Variants in PIK3AP1 observed in about 807,000 individuals in gnomAD.
The protein encoded by PIK3AP1 is phosphoinositide 3-kinase adapter protein 1.
A neutral mutation model predicts 88.1 loss-of-function variants in PIK3AP1; 21 were observed. The ratio of observed to expected loss-of-function variants is 0.24; its 90% CI spans 0.17 to 0.34. The LOEUF (loss-of-function observed/expected upper bound fraction) is 0.34. Ranked by LOEUF, PIK3AP1 falls within the 10% of genes least tolerant of loss-of-function variation. The probability of loss-of-function intolerance (pLI) is 1.00; values close to 1 mark genes in which losing one functional copy is unlikely to be tolerated. For missense variants in PIK3AP1, 828 were observed against 1,035.7 expected, an observed-to-expected ratio of 0.80 and a Z score of 2.75; for synonymous variants, 398 against 400.0, an observed-to-expected ratio of 1.00 and a Z score of 0.06.
chr10:96,620,733 T>C (rs943196881), intron 11 of PIK3AP1, 176 bp from the exon 12 acceptor site: 6 of 596,708 alleles, frequency 1.0e-5, no homozygotes, highest in South Asian at 6.1e-5. Flanking sequence ...ATGCAGCTAA[T>C]AATTCCAAGG....
intron 14 of PIK3AP1, among the ~76,000 whole-genome samples, chr10:96,605,244 T>A (rs1848983026): frequency 6.6e-6 from 1 of 152,220 alleles, no homozygotes; most frequent in South Asian, 2.1e-4. Flanking sequence ...TTATCACCTG[T>A]ATCATTAGAT....
chr10:96,673,298 C>A (rs1373051902), intron 2 of PIK3AP1, among the ~76,000 whole-genome samples: 2 of 152,206 alleles, frequency 1.3e-5, no homozygotes, highest in Non-Finnish European at 2.9e-5. Context: ...ATCTACCATG[C>A]ACAGGCAACC....
In PIK3AP1 at chr10:96,602,385, G is replaced by A. The variant is rs1848914657; in HGVS notation, c.2255C>T (p.Pro752Leu). The A allele has an allele frequency of 1.2e-6, 2 of 1,611,982 alleles. No homozygotes were observed. Among genetic ancestry groups the A allele is most frequent in the African/African-American group, 1.3e-5 (1 of 74,864 alleles). Reference protein sequence around the residue: ...MEGDNEDNEVPEVTRSRSPGP... With the variant: ...MEGDNEDNEVLEVTRSRSPGP... The stretch of plus-strand genomic sequence containing the variant: ...TGGACTGCGACTTCTGGTAACCTCA[G>A]GGACTTCATTATCCTACAGCAAAGA... The change falls in exon 16 of 17, where the codon CCT becomes CTT. Residue 752 changes from proline to leucine, a missense_variant. Coordinates refer to ENST00000339364, the MANE Select transcript of PIK3AP1 (RefSeq NM_152309.3).
At chr10:96,631,972 C>T (rs1050860225) in intron 8 of PIK3AP1, among the ~76,000 whole-genome samples, 22 of 151,832 alleles carry the variant, frequency 1.4e-4, no homozygotes, top group African/African-American at 5.1e-4. Context: ...CATCATGACT[C>T]CTTCCACCAA....
chr10:96,608,075 G>A (rs950934815), intron 14 of PIK3AP1, among the ~76,000 whole-genome samples: 2 of 152,122 alleles, frequency 1.3e-5, no homozygotes, highest in Non-Finnish European at 2.9e-5. Flanking sequence ...AAGGGGAAAA[G>A]CACAGTTTAT....
intron 2 of PIK3AP1, among the ~76,000 whole-genome samples, chr10:96,691,017 G>C (rs1172475): frequency 0.024 from 3,574 of 152,078 alleles, 143 homozygotes; most frequent in African/African-American, 0.081. Context: ...GGTAACTCCA[G>C]GGAGTTCCAG....
At chr10:96,696,029 C>T (rs1033177099) in intron 2 of PIK3AP1, among the ~76,000 whole-genome samples, 7 of 152,136 alleles carry the variant, frequency 4.6e-5, no homozygotes, top group Non-Finnish European at 8.8e-5. Flanking sequence ...ATCCAAAGGG[C>T]ATCAAGCCTC....
intron 1 of PIK3AP1, among the ~76,000 whole-genome samples, chr10:96,714,038 G>A (rs1844471751): frequency 6.6e-6 from 1 of 152,156 alleles, no homozygotes; most frequent in African/African-American, 2.4e-5. Context: ...GCCGGGCATG[G>A]TGGCATGCGT....
chr10:96,598,210 AT>A (rs931922112), intron 16 of PIK3AP1, among the ~76,000 whole-genome samples: 1 of 151,168 alleles, frequency 6.6e-6, no homozygotes, highest in Non-Finnish European at 1.5e-5. Context: ...CACCTGGCTA[AT>A]TTTTTTTGTT....
Position 96,720,381 on chromosome 10 carries a change from C to T in PIK3AP1, c.13+1G>A. 1 of 1,240,732 alleles carries T rather than the reference C, an allele frequency of 8.1e-7. No homozygotes were observed. The highest frequency in any genetic ancestry group is 1.0e-6 in the Non-Finnish European group (1 of 987,542). 76.9% of individuals were successfully genotyped at this position (1,240,732 alleles called of 1,614,324 possible). ...GGGACCCGCGGCGCCTGCCTACCCA[C>T]CTGAGGCTGCCATGCCGCGGGGCGC... On this transcript the variant is annotated splice_donor_variant, in intron 1 of 16. Transcript: ENST00000339364. LOFTEE classifies it high-confidence loss of function. This position sits in a 1 kb window ranked among gnomAD's most constrained non-coding sequence, Gnocchi z 4.6.
At chr10:96,629,945 G>GAAA (rs1843222758) in intron 8 of PIK3AP1, among the ~76,000 whole-genome samples, 1 of 67,524 alleles carries the variant, frequency 1.5e-5, no homozygotes, top group African/African-American at 4.7e-5. Flanking sequence ...AGAAGAAGAA[G>GAAA]AAGAAGAAGA....
intron 2 of PIK3AP1, among the ~76,000 whole-genome samples, chr10:96,674,077 T>G (rs970476833): frequency 6.6e-6 from 1 of 152,188 alleles, no homozygotes; most frequent in South Asian, 2.1e-4. Flanking sequence ...GTGATGCTTC[T>G]TGGCGAAGGG....
chr10:96,666,518 C>T (rs1347646965), intron 2 of PIK3AP1, among the ~76,000 whole-genome samples: 2 of 151,982 alleles, frequency 1.3e-5, no homozygotes, highest in Non-Finnish European at 2.9e-5. Flanking sequence ...ATATTTATTT[C>T]CCTTAAGGGG....
intron 16 of PIK3AP1, among the ~76,000 whole-genome samples, chr10:96,596,779 G>A (rs1054800011): frequency 6.6e-5 from 10 of 152,306 alleles, no homozygotes; most frequent in Middle Eastern, 3.4e-3. Flanking sequence ...GCATTTCCAC[G>A]TGTGTACTGT....
chr10:96,656,694 A>T (rs1293829360), intron 3 of PIK3AP1, 104 bp downstream of exon 3: 3 of 1,466,678 alleles, frequency 2.0e-6, no homozygotes, highest in Admixed American at 1.9e-5. Context: ...CTGCAATTAT[A>T]CTGAGGTGCA....
chr10:96,630,295 C>G (rs1352457269), intron 8 of PIK3AP1, among the ~76,000 whole-genome samples: 1 of 152,120 alleles, frequency 6.6e-6, no homozygotes, highest in African/African-American at 2.4e-5. Context: ...AAATGAGGAA[C>G]CAGTAAATGA....
At chr10:96,606,230 C>G (rs1849000401) in intron 14 of PIK3AP1, among the ~76,000 whole-genome samples, 1 of 152,186 alleles carries the variant, frequency 6.6e-6, no homozygotes, top group South Asian at 2.1e-4. Context: ...CCTCCTCAGT[C>G]TCCAAGGCTC....
chr10:96,610,387 A>G (rs2134190190), intron 13 of PIK3AP1, among the ~76,000 whole-genome samples: 1 of 152,356 alleles, frequency 6.6e-6, no homozygotes, highest in South Asian at 2.1e-4. Flanking sequence ...CATCAATGCC[A>G]GCAGAAACTA....
chr10:96,704,582 G>A (rs1844338704), intron 2 of PIK3AP1, among the ~76,000 whole-genome samples: 1 of 152,124 alleles, frequency 6.6e-6, no homozygotes, highest in South Asian at 2.1e-4. Context: ...GCCAGGCATG[G>A]TGGTGCATGC....
Sources: allele counts gnomAD v4.1 joint callset (sites outside exome capture counted in the v4.1 genomes callset), GRCh38; gene constraint gnomAD v4.1.1; non-coding constraint Gnocchi (gnomAD v3.1); transcripts MANE v1.5; gene names NCBI Gene and HGNC (gene_info 2026-07-23, HGNC 2026-07-21).